Variants in AUTS2 observed in about 807,000 individuals in gnomAD.
AUTS2 encodes the protein autism susceptibility gene 2 protein.
Under a neutral mutation model 112.4 loss-of-function variants are expected in AUTS2, and 17 were observed. The ratio of observed to expected loss-of-function variants is 0.15; its 90% CI spans 0.10 to 0.23. The LOEUF (loss-of-function observed/expected upper bound fraction) is 0.23. Among genes scored for constraint, AUTS2 ranks in the 10% least tolerant of loss-of-function variants. AUTS2 has a pLI of 1.00. For synonymous variants in AUTS2, 751 were observed against 702.7 expected (o/e 1.07, Z -1.09); for missense variants, 1,510 against 1,701.6 (o/e 0.89, Z 1.98).
At chr7:70,760,380 A>G (rs1789496127) in intron 6 of AUTS2, among the ~76,000 whole-genome samples, 1 of 152,190 alleles carries the variant, frequency 6.6e-6, no homozygotes, top group African/African-American at 2.4e-5. Context: ...CAGTGTGAGA[A>G]GAGTCCTGCT....
chr7:70,429,776 A>T (rs575384515), intron 4 of AUTS2, among the ~76,000 whole-genome samples: 1 of 152,318 alleles, frequency 6.6e-6, no homozygotes, highest in East Asian at 1.9e-4. Context: ...CAAGAATTTG[A>T]CTTTTTATTA....
chr7:69,816,448 G>A (rs1213547330), intron 1 of AUTS2, among the ~76,000 whole-genome samples: 2 of 152,160 alleles, frequency 1.3e-5, no homozygotes, highest in East Asian at 1.9e-4. Context: ...GGCTGGAAAC[G>A]AAGGTTGGCT....
chr7:70,704,531 A>T (rs758706767), intron 6 of AUTS2, among the ~76,000 whole-genome samples: 5 of 152,246 alleles, frequency 3.3e-5, no homozygotes, highest in Non-Finnish European at 7.3e-5. Context: ...TTGAATGTTC[A>T]TCAGCCTCTC....
chr7:69,604,198 A>G (rs1186805591), intron 1 of AUTS2, among the ~76,000 whole-genome samples: 3 of 152,158 alleles, frequency 2.0e-5, no homozygotes, highest in Non-Finnish European at 2.9e-5. Flanking sequence ...GGCTTCCCCC[A>G]CACATCAGTA....
intron 15 of AUTS2, chr7:70,783,370 A>G (rs1315326669): frequency 6.6e-6 from 1 of 152,164 alleles, no homozygotes. Context: ...GACGGGGATG[A>G]TGTTCCTCCT....
intron 1 of AUTS2, among the ~76,000 whole-genome samples, chr7:69,679,105 A>AT (rs1167579705): frequency 3.9e-5 from 6 of 152,258 alleles, no homozygotes; most frequent in African/African-American, 1.4e-4. Context: ...CAGGTGTTGG[A>AT]TTTTTTAAAC....
intron 1 of AUTS2, among the ~76,000 whole-genome samples, chr7:69,640,154 T>C (rs1794736047): frequency 6.6e-6 from 1 of 152,210 alleles, no homozygotes; most frequent in Non-Finnish European, 1.5e-5. Context: ...ATTTTATTAC[T>C]GTTTTGATTG....
In AUTS2 at chr7:70,497,667, G is replaced by T. The variant is rs566207583; in HGVS notation, c.690+61886G>T. 2.0e-5 allele frequency among the ~76,000 whole-genome samples: 3 copies of T among 152,250 alleles called. No individual in the cohort carries two copies. In the East Asian group the frequency reaches 5.8e-4, roughly 29 times the overall value. On this transcript the variant is annotated intron_variant, in intron 5 of 18. Coordinates refer to ENST00000342771, the MANE Select transcript of AUTS2 (RefSeq NM_015570.4). The stretch of plus-strand genomic sequence containing the variant: ...TTGGCATTCCCCTTATTTTAAAGCT[G>T]CAGGGACAGAAGTTTGCGTTACCTG...
chr7:69,875,275 A>T (rs1793681123), intron 1 of AUTS2, among the ~76,000 whole-genome samples: 1 of 152,178 alleles, frequency 6.6e-6, no homozygotes, highest in Admixed American at 6.5e-5. Context: ...CATTGTGTTT[A>T]TGGAATTACT....
intron 4 of AUTS2, among the ~76,000 whole-genome samples, chr7:70,381,390 C>T (rs1011286760): frequency 1.3e-5 from 2 of 152,150 alleles, no homozygotes; most frequent in African/African-American, 2.4e-5. Context: ...TGTGTGTTTT[C>T]CTGTGTACAA....
chr7:70,241,798 G>A (rs1812628893), intron 4 of AUTS2, among the ~76,000 whole-genome samples: 1 of 152,168 alleles, frequency 6.6e-6, no homozygotes, highest in Admixed American at 6.5e-5. Flanking sequence ...TACAGGCAAT[G>A]TTGCTCTCTG....
intron 2 of AUTS2, among the ~76,000 whole-genome samples, chr7:70,075,929 G>T (rs1206347223): frequency 6.6e-6 from 1 of 152,154 alleles, no homozygotes; most frequent in African/African-American, 2.4e-5. Context: ...AATATTTTAG[G>T]TTTTTTGGGC....
chr7:69,893,815 A>T (rs556404577), intron 1 of AUTS2, among the ~76,000 whole-genome samples: 1 of 152,166 alleles, frequency 6.6e-6, no homozygotes. Flanking sequence ...TGCAGCTTAC[A>T]TAGTGTTTCA....
chr7:70,524,824 C>G (rs1052817416), intron 5 of AUTS2, among the ~76,000 whole-genome samples: 1 of 152,226 alleles, frequency 6.6e-6, no homozygotes, highest in African/African-American at 2.4e-5. Context: ...GTCTGCAAGA[C>G]TCCTTGCTCC....
chr7:70,284,634 C>T (rs1408715763), intron 4 of AUTS2, among the ~76,000 whole-genome samples: 5 of 152,190 alleles, frequency 3.3e-5, no homozygotes, highest in Non-Finnish European at 7.3e-5. Context: ...ATAGAAAGCA[C>T]AGCAGGTCAG....
chr7:69,813,073 C>T (rs1328458685), intron 1 of AUTS2, among the ~76,000 whole-genome samples: 4 of 152,216 alleles, frequency 2.6e-5, no homozygotes, highest in Non-Finnish European at 5.9e-5. Flanking sequence ...CAAGACACTG[C>T]ACGGTCTAGT....
intron 5 of AUTS2, among the ~76,000 whole-genome samples, chr7:70,549,219 G>T (rs558591240): frequency 5.3e-5 from 8 of 152,026 alleles, no homozygotes; most frequent in African/African-American, 1.7e-4. Flanking sequence ...GTCTTCTATC[G>T]TATGACAGCC....
At chr7:69,726,078 C>G (rs1786498201) in intron 1 of AUTS2, among the ~76,000 whole-genome samples, 1 of 152,132 alleles carries the variant, frequency 6.6e-6, no homozygotes, top group African/African-American at 2.4e-5. Context: ...ATGCACAGAT[C>G]TTAAGTGTAC....
chr7:70,771,032 A>C (rs2129558208), intron 10 of AUTS2, among the ~76,000 whole-genome samples: 1 of 152,348 alleles, frequency 6.6e-6, no homozygotes, highest in South Asian at 2.1e-4. Context: ...TAATGAAGCA[A>C]GGATTGTGAA....
Sources: gnomAD v4.1 joint callset for allele counts (sites outside exome capture counted in the v4.1 genomes callset) on GRCh38, gnomAD v4.1.1 for gene constraint, MANE v1.5 for transcripts, NCBI Gene and HGNC (gene_info 2026-07-23, HGNC 2026-07-21) for gene names.